Variants in CPT1C observed in about 807,000 individuals in gnomAD.
CPT1C encodes the protein carnitine palmitoyltransferase 1C.
In CPT1C, 61 loss-of-function variants were observed where a neutral mutation model predicts 97.3. The observed-to-expected ratio is 0.63, with a 90% CI of 0.51 to 0.78. CPT1C has a LOEUF of 0.78. CPT1C is among the 30% of genes least tolerant of loss of function. The pLI is 0.00. For synonymous variants in CPT1C, 469 were observed against 447.2 expected (o/e 1.05, Z -0.61); for missense variants, 975 against 1,065.5 (o/e 0.92, Z 1.18).
intron 16 of CPT1C, 131 bp downstream of exon 16, chr19:49,710,988 C>A (rs928920213): frequency 5.4e-6 from 5 of 921,388 alleles, no homozygotes; most frequent in Non-Finnish European, 6.4e-6. Flanking sequence ...TCGGACCTGG[C>A]CTCTGACTTC....
At chr19:49,705,573 AAC>A (rs1390897797) in intron 10 of CPT1C, among the ~76,000 whole-genome samples, 1 of 152,130 alleles carries the variant, frequency 6.6e-6, no homozygotes, top group East Asian at 1.9e-4. Flanking sequence ...AGCCTAGGGC[AAC>A]GTAGTGAGAT....
At position 49,707,594 on chromosome 19, in the gene CPT1C, G is replaced by C. The variant is rs959517123; in HGVS notation, c.1420G>C (p.Asp474His). The change falls in exon 13 of 20, where the codon GAC (aspartate) becomes CAC (histidine). Residue 474 changes from aspartate (D) to histidine (H), a missense_variant. By Grantham distance (81) the Asp-to-His change is moderately conservative (BLOSUM62 -1). Transcript: ENST00000598293. ...LGLSVEHSWA[D>H]CPISGHMWEF... ...CCTCAGCGTGGAGCACTCCTGGGCCGACTGCCCCATCTCAGGACACATGTG... is the reference window on the plus strand; with the variant it reads ...CCTCAGCGTGGAGCACTCCTGGGCCCACTGCCCCATCTCAGGACACATGTG... 6.2e-7 allele frequency: 1 copy of C among 1,612,752 alleles called. No homozygotes were observed. Among genetic ancestry groups the C allele is most frequent in the Non-Finnish European group, 8.5e-7 (1 of 1,179,404 alleles).
chr19:49,695,474 A>C (rs1336939315), intron 3 of CPT1C, among the ~76,000 whole-genome samples: 1 of 151,478 alleles, frequency 6.6e-6, no homozygotes, highest in East Asian at 2.0e-4. Flanking sequence ...TAGTATAGAC[A>C]GGGTTTCACC....
chr19:49,708,002 C>CAAAAA (rs60276067), intron 13 of CPT1C, among the ~76,000 whole-genome samples: 685 of 54,360 alleles, frequency 0.013, no homozygotes, highest in Non-Finnish European at 0.018. Context: ...GAATACATCT[C>CAAAAA]AAAAAAAAAA....
chr19:49,699,096 C>T (rs2082842656), intron 4 of CPT1C, among the ~76,000 whole-genome samples: 1 of 151,716 alleles, frequency 6.6e-6, no homozygotes, highest in Non-Finnish European at 1.5e-5. Context: ...GAGAGAGACT[C>T]CGTCTCAATT....
In CPT1C at chr19:49,706,072, G is replaced by A; in HGVS notation, c.1128G>A (p.Glu376=). The change falls in exon 11 of 20, where the codon GAG becomes GAA. Residue 376 remains glutamate (E), a synonymous_variant. Transcript: ENST00000598293. This position sits in a 1 kb window ranked among gnomAD's most constrained non-coding sequence, Gnocchi z 4.8. Reference sequence around the variant, plus strand: ...ATCCCTCACCGGCCTGCCCCCACGAGGAACATCTGGCAGCTCTGACAGCTG... The same window carrying A: ...ATCCCTCACCGGCCTGCCCCCACGAAGAACATCTGGCAGCTCTGACAGCTG... ...LDDPSPACPH[E]EHLAALTAAP... 1 of 1,613,774 alleles carries A rather than the reference G, an allele frequency of 6.2e-7. No homozygotes were observed. Among genetic ancestry groups the A allele is most frequent in the Non-Finnish European group, 8.5e-7 (1 of 1,179,856 alleles).
Position 49,713,424 on chromosome 19 carries a change from C to G in CPT1C, c.2231C>G (p.Ser744Cys). 2 of 1,610,002 alleles carry G rather than the reference C, an allele frequency of 1.2e-6. No individual in the cohort carries two copies. The highest frequency in any genetic ancestry group is 1.7e-6 in the Non-Finnish European group (2 of 1,178,140). Residue 744 changes from serine (S) to cysteine (C), a missense_variant, in exon 20 of 20, where the codon TCC becomes TGC. Physicochemically the swap from Ser to Cys is moderately radical, Grantham distance 112 (BLOSUM62 -1). Around this residue, in one of 3 missense-constraint regions of CPT1C, gnomAD observed 344 missense variants for 395.7 expected, o/e 0.87. Coordinates refer to ENST00000598293, the MANE Select transcript of CPT1C (RefSeq NM_001199753.2). ...TCTGACCTGTTCTCCTTCCAGGATT[C>G]CCACAGGCTGGGGCAGCACATTGAG... The part of the protein sequence containing the change: ...SSKKSSTKTD[S>C]HRLGQHIEDA...
intron 15 of CPT1C, 88 bp from the exon 16 acceptor site, chr19:49,710,625 TGGCTGGAGGA>T: frequency 6.4e-7 from 1 of 1,571,280 alleles, no homozygotes; most frequent in Non-Finnish European, 8.7e-7. Flanking sequence ...ATTCTTGGGC[TGGCTGGAGGA>T]GGCTGGAGGT....
intron 4 of CPT1C, among the ~76,000 whole-genome samples, chr19:49,698,422 G>T (rs1270181185): frequency 4.6e-5 from 7 of 152,092 alleles, no homozygotes; most frequent in African/African-American, 1.7e-4. Flanking sequence ...CAGCACTTTG[G>T]GAGGCCGAGG....
chr19:49,712,464 G>GGA (rs1372410252), intron 17 of CPT1C: 3 of 485,282 alleles, frequency 6.2e-6, no homozygotes, highest in Non-Finnish European at 1.1e-5. Context: ...AGACAAAAGG[G>GGA]GAGAGGGTCA....
In CPT1C at chr19:49,711,980, G is replaced by T. The variant is rs1432525791; in HGVS notation, c.2019+19G>T. 1.9e-6 allele frequency: 3 copies of T among 1,608,628 alleles called. No homozygotes were observed. The South Asian group carries it at 3.3e-5, about 18-fold the overall frequency. ...GACCCAGGTTGGGGCACAGGGAAAG[G>T]GTTAGAGAGGGAAGTGGGAGACCAT... On this transcript the variant is annotated intron_variant, in intron 17 of 19. Coordinates refer to ENST00000598293, the MANE Select transcript of CPT1C (RefSeq NM_001199753.2).
chr19:49,692,346 T>G lies in CPT1C; in HGVS notation c.94T>G (p.Tyr32Asp), dbSNP rs781522527. Residue 32 changes from tyrosine (Y) to aspartate (D), a missense_variant, in exon 3 of 20, where the codon TAC (tyrosine) becomes GAC (aspartate). Around this residue, in one of 3 missense-constraint regions of CPT1C, gnomAD observed 596 missense variants for 603.1 expected, o/e 0.99. Coordinates refer to ENST00000598293, the MANE Select transcript of CPT1C (RefSeq NM_001199753.2). ...CAGTGCCCCTGTGCTGCAGGAGATC[T>G]ACCTCTCTGGCCTGCGCTCCTGGAA... ...ELSAPVLQEI[Y>D]LSGLRSWKRH... 6.2e-7 allele frequency: 1 copy of G among 1,614,024 alleles called. No individual in the cohort carries two copies. The highest frequency in any genetic ancestry group is 8.5e-7 in the Non-Finnish European group (1 of 1,180,026).
chr19:49,701,966 A>T lies in CPT1C; in HGVS notation c.693+332A>T, dbSNP rs1228187200. 3.9e-4 allele frequency among the ~76,000 whole-genome samples: 34 copies of T among 88,126 alleles called. 1 individual carries two copies. The highest frequency in any genetic ancestry group is 2.0e-3 in the African/African-American group (30 of 15,268). 57.8% of individuals were successfully genotyped at this position (88,126 alleles called of 152,430 possible). A position where few individuals can be genotyped will look rare whatever the true frequency, so the allele number is the denominator to read the frequency against. ...AATTTATATATAAATATATTTATAT[A>T]TAAATTTATAAATAAATATATAAAT... On this transcript the variant is annotated intron_variant, in intron 7 of 19. Coordinates refer to ENST00000598293, the MANE Select transcript of CPT1C (RefSeq NM_001199753.2).
At chr19:49,711,732 G>A in intron 16 of CPT1C, 77 bp from the exon 17 acceptor site, 1 of 1,469,472 alleles carries the variant, frequency 6.8e-7, no homozygotes, top group South Asian at 1.3e-5. Context: ...ACTCAGTTGA[G>A]GCCAGATGTG....
At chr19:49,701,294 A>C in intron 5 of CPT1C, 23 bp from the exon 6 acceptor site, 3 of 1,597,596 alleles carry the variant, frequency 1.9e-6, no homozygotes, top group African/African-American at 2.7e-5. Context: ...GGGGTTAATG[A>C]CCCGGTAACT....
In CPT1C at chr19:49,713,644, G is replaced by A. The variant is rs1376144298; in HGVS notation, c.*39G>A. 2 of 1,564,482 alleles carry A rather than the reference G, an allele frequency of 1.3e-6. No individual in the cohort carries two copies. Among genetic ancestry groups the A allele is most frequent in the Non-Finnish European group, 8.7e-7 (1 of 1,153,764 alleles). ...GCAGCTGGCCTCTCCAAGGAATAAG[G>A]GTGAAATTGCCACAGCTGGCTGACA... On this transcript the variant is annotated 3_prime_UTR_variant, in exon 20 of 20. Coordinates refer to ENST00000598293, the MANE Select transcript of CPT1C (RefSeq NM_001199753.2).
At position 49,711,901 on chromosome 19, in the gene CPT1C, C is replaced by T. The variant is rs1600155249; in HGVS notation, c.1959C>T (p.His653=). ...TGAGCGGGCAGGGAGTTGACCGCCA[C>T]CTGTTTGCGCTGTACATCGTGTCCC... ...AAMSGQGVDR[H]LFALYIVSRF... Residue 653 remains histidine (H), a synonymous_variant, in exon 17 of 20, where the codon CAC becomes CAT. Transcript: ENST00000598293. 1.9e-6 allele frequency: 3 copies of T among 1,614,198 alleles called. No individual in the cohort carries two copies. Among genetic ancestry groups the T allele is most frequent in the East Asian group, 2.2e-5 (1 of 44,882 alleles).
Position 49,692,220 on chromosome 19 carries a change from A to G in CPT1C, c.-14-19A>G, listed in dbSNP as rs770919108. ...GGCGGAGGGGCTGGGGTCCTGAAGT[A>G]TGACTCTGCCCGACTCAGGGCTCCA... is the stretch of plus-strand genomic sequence containing the variant. On this transcript the variant is annotated intron_variant, in intron 2 of 19. Coordinates refer to ENST00000598293, the MANE Select transcript of CPT1C (RefSeq NM_001199753.2). 1 of 1,610,898 alleles carries G rather than the reference A, an allele frequency of 6.2e-7. No homozygotes were observed. The highest frequency in any genetic ancestry group is 1.3e-5 in the African/African-American group (1 of 74,994).
chr19:49,704,975 GGT>G, intron 8 of CPT1C, 30 bp from the exon 9 acceptor site: 1 of 1,544,248 alleles, frequency 6.5e-7, no homozygotes, highest in Non-Finnish European at 8.8e-7. Flanking sequence ...CCTGACCCTG[GGT>G]GTTTTGCCAT....
Sources: allele counts gnomAD v4.1 joint callset (sites outside exome capture counted in the v4.1 genomes callset), GRCh38; gene constraint gnomAD v4.1.1; regional missense constraint gnomAD v4.1.1; non-coding constraint Gnocchi (gnomAD v3.1); transcripts MANE v1.5; gene names NCBI Gene and HGNC (gene_info 2026-07-23, HGNC 2026-07-21).